The following NALCN variants were observed in gnomAD, a reference collection of about 807,000 sequenced individuals.
NALCN encodes the protein sodium leak channel NALCN.
Under a neutral mutation model 225.3 loss-of-function variants are expected in NALCN, and 111 were observed. The ratio of observed to expected loss-of-function variants is 0.49; its 90% CI spans 0.42 to 0.58. The LOEUF (loss-of-function observed/expected upper bound fraction) is 0.58, where lower values mean the gene tolerates loss of function less well. Among genes scored for constraint, NALCN ranks in the 20% least tolerant of loss-of-function variants. The pLI is 0.00. For missense variants in NALCN, 1,378 were observed against 2,202.4 expected, an observed-to-expected ratio of 0.63 and a Z score of 7.49; for synonymous variants, 764 against 769.0, an observed-to-expected ratio of 0.99 and a Z score of 0.11.
At chr13:101,262,903 A>G (rs1004963440) in intron 10 of NALCN, among the ~76,000 whole-genome samples, 4 of 152,262 alleles carry the variant, frequency 2.6e-5, no homozygotes, top group African/African-American at 9.6e-5. Flanking sequence ...TTAATTTTAA[A>G]TGAGTCAATA....
intron 13 of NALCN, among the ~76,000 whole-genome samples, chr13:101,221,745 A>G (rs1279652658): frequency 6.6e-6 from 1 of 152,182 alleles, no homozygotes; most frequent in Non-Finnish European, 1.5e-5. Context: ...AACCTCACCG[A>G]AAGTTTCATA....
intron 33 of NALCN, among the ~76,000 whole-genome samples, 170 bp downstream of exon 33, chr13:101,082,639 T>C (rs1407623329): frequency 1.3e-5 from 2 of 152,132 alleles, no homozygotes; most frequent in African/African-American, 2.4e-5. Context: ...ATGGATAAAG[T>C]GATGTCTTTG....
At chr13:101,355,727 C>T (rs1473626273) in intron 6 of NALCN, among the ~76,000 whole-genome samples, 1 of 152,144 alleles carries the variant, frequency 6.6e-6, no homozygotes, top group African/African-American at 2.4e-5. Context: ...ACTCTCAACC[C>T]CAAATCAACA....
chr13:101,308,802 T>G (rs1393320926), intron 7 of NALCN, among the ~76,000 whole-genome samples: 3 of 152,308 alleles, frequency 2.0e-5, no homozygotes, highest in African/African-American at 7.2e-5. Context: ...AAGTTCCAAC[T>G]GATGTCTGAT....
chr13:101,247,679 T>C (rs1831876), intron 11 of NALCN, among the ~76,000 whole-genome samples: 47,599 of 151,950 alleles, frequency 0.31, 8,004 homozygotes, highest in Non-Finnish European at 0.38. Flanking sequence ...TTCCAGGATA[T>C]ATGTGCAGGA....
chr13:101,359,649 A>C (rs2046168256), intron 6 of NALCN, among the ~76,000 whole-genome samples: 1 of 152,196 alleles, frequency 6.6e-6, no homozygotes, highest in African/African-American at 2.4e-5. Flanking sequence ...ATCACATTTA[A>C]TCTGGCAGCT....
chr13:101,336,700 A>G (rs1302383035), intron 7 of NALCN, among the ~76,000 whole-genome samples: 1 of 152,224 alleles, frequency 6.6e-6, no homozygotes, highest in Non-Finnish European at 1.5e-5. Context: ...TGTTTATGTC[A>G]CATTCTAATA....
At chr13:101,368,344 T>C (rs1173408652) in intron 6 of NALCN, among the ~76,000 whole-genome samples, 1 of 152,112 alleles carries the variant, frequency 6.6e-6, no homozygotes, top group Admixed American at 6.6e-5. Flanking sequence ...CATCATTTTT[T>C]ATGGCTGCAT....
intron 13 of NALCN, among the ~76,000 whole-genome samples, chr13:101,223,896 A>G (rs1206094057): frequency 1.3e-5 from 2 of 152,060 alleles, no homozygotes; most frequent in South Asian, 2.1e-4. Context: ...TATGCTGACA[A>G]ACACCTGCCA....
intron 7 of NALCN, among the ~76,000 whole-genome samples, chr13:101,337,310 TTATTTATTTA>T (rs2045410734): frequency 6.6e-6 from 1 of 150,638 alleles, no homozygotes; most frequent in African/African-American, 2.5e-5. Context: ...ATTTATTTAT[TTATTTATTTA>T]TTTTTTGAGA....
At chr13:101,111,334 A>G in intron 18 of NALCN, 108 bp from the exon 19 acceptor site, 1 of 827,514 alleles carries the variant, frequency 1.2e-6, no homozygotes. Context: ...ACCAATGAAA[A>G]CACAAAATAC....
At chr13:101,412,385 A>T (rs1378150409) in intron 1 of NALCN, among the ~76,000 whole-genome samples, 1 of 152,102 alleles carries the variant, frequency 6.6e-6, no homozygotes, top group East Asian at 1.9e-4. Context: ...TCTCTTCATA[A>T]ATGATTCTCT....
intron 1 of NALCN, among the ~76,000 whole-genome samples, chr13:101,415,208 C>CATAT (rs1030463057): frequency 2.3e-4 from 25 of 107,808 alleles, no homozygotes; most frequent in African/African-American, 2.8e-4. Flanking sequence ...AAATCACACA[C>CATAT]ATATATATAT....
chr13:101,251,919 A>G lies in NALCN; in HGVS notation c.1266+6524T>C, dbSNP rs2042074100. Among the ~76,000 whole-genome samples, 2 of 152,220 alleles carry G rather than the reference A, an allele frequency of 1.3e-5. 1 individual carries two copies. Among genetic ancestry groups the G allele is most frequent in the South Asian group, 4.1e-4 (2 of 4,830 alleles). On this transcript the variant is annotated intron_variant, in intron 11 of 43. Coordinates refer to ENST00000251127, the MANE Select transcript of NALCN (RefSeq NM_052867.4). ...AGACAACTTAATACATATTTAGTCTACCACAATAGAGAATGATTTTTAGAT... is the reference window on the plus strand; with the variant it reads ...AGACAACTTAATACATATTTAGTCTGCCACAATAGAGAATGATTTTTAGAT...
intron 34 of NALCN, among the ~76,000 whole-genome samples, chr13:101,077,609 T>A (rs1407284597): frequency 6.6e-6 from 1 of 152,096 alleles, no homozygotes; most frequent in Non-Finnish European, 1.5e-5. Flanking sequence ...AGAGAGATGA[T>A]TTAGGGTATC....
intron 10 of NALCN, among the ~76,000 whole-genome samples, chr13:101,278,157 A>C (rs1476255118): frequency 6.6e-6 from 1 of 152,156 alleles, no homozygotes; most frequent in Non-Finnish European, 1.5e-5. Flanking sequence ...TTATTTCAAC[A>C]GTTTCAAAAT....
chr13:101,087,409 C>T (rs558174998), intron 30 of NALCN, among the ~76,000 whole-genome samples: 2 of 151,376 alleles, frequency 1.3e-5, no homozygotes, highest in African/African-American at 4.9e-5. Flanking sequence ...CTAGTAGATG[C>T]TCAAATACAT....
chr13:101,415,177 C>G (rs2047899573), intron 1 of NALCN, among the ~76,000 whole-genome samples: 1 of 129,082 alleles, frequency 7.7e-6, no homozygotes, highest in Non-Finnish European at 1.7e-5. Context: ...TATCAAATCA[C>G]AGTTGTAGTT....
intron 13 of NALCN, among the ~76,000 whole-genome samples, chr13:101,221,656 A>G (rs555383879): frequency 1.3e-5 from 2 of 152,200 alleles, no homozygotes; most frequent in African/African-American, 4.8e-5. Flanking sequence ...TTTCTTGACC[A>G]TTGTATTCAA....
Sources: gnomAD v4.1 joint callset for allele counts (sites outside exome capture counted in the v4.1 genomes callset) on GRCh38, gnomAD v4.1.1 for gene constraint, MANE v1.5 for transcripts, NCBI Gene and HGNC (gene_info 2026-07-23, HGNC 2026-07-21) for gene names.